The following PRORP variants were observed in gnomAD, a reference collection of about 807,000 sequenced individuals.
PRORP encodes the protein mitochondrial ribonuclease P catalytic subunit.
PRORP carries 51 observed loss-of-function variants against 59.4 expected under a neutral mutation model. The observed-to-expected ratio is 0.86, with a 90% CI of 0.69 to 1.08. PRORP has a LOEUF of 1.08. Ranked by LOEUF, PRORP falls within the 50% of genes least tolerant of loss-of-function variation. The probability of loss-of-function intolerance (pLI) is 0.00; values close to 1 mark genes in which losing one functional copy is unlikely to be tolerated. For missense variants in PRORP, 646 were observed against 690.3 expected (o/e 0.94, Z 0.72); for synonymous variants, 231 against 245.6 (o/e 0.94, Z 0.55).
At chr14:35,219,008 G>T (rs1352829988) in intron 5 of PRORP, 1 of 152,200 alleles carries the variant, frequency 6.6e-6, no homozygotes, top group African/African-American at 2.4e-5. Context: ...AAAATTGAAA[G>T]TCGATGGCTC....
chr14:35,250,244 G>GA (rs1189564914), intron 5 of PRORP, among the ~76,000 whole-genome samples: 4 of 149,064 alleles, frequency 2.7e-5, no homozygotes, highest in East Asian at 2.0e-4. Context: ...AAAAAAAAAA[G>GA]AAAAAAAAAG....
intron 5 of PRORP, among the ~76,000 whole-genome samples, chr14:35,232,397 A>C (rs1241034961): frequency 6.6e-6 from 1 of 152,036 alleles, no homozygotes; most frequent in Non-Finnish European, 1.5e-5. Flanking sequence ...ATTTTTGTAG[A>C]GATGGGGTCT....
chr14:35,198,263 A>G (rs983966932), intron 5 of PRORP, among the ~76,000 whole-genome samples: 2 of 152,234 alleles, frequency 1.3e-5, no homozygotes, highest in African/African-American at 4.8e-5. Context: ...TAATATTGAA[A>G]CCAAAGGGAT....
chr14:35,162,914 T>A (rs1193721146), intron 4 of PRORP, among the ~76,000 whole-genome samples: 1 of 152,172 alleles, frequency 6.6e-6, no homozygotes, highest in Admixed American at 6.5e-5. Flanking sequence ...TAAAGCGGGA[T>A]GTTACTTTTA....
At chr14:35,132,991 G>A (rs2047287022) in intron 4 of PRORP, among the ~76,000 whole-genome samples, 1 of 151,958 alleles carries the variant, frequency 6.6e-6, no homozygotes, top group Admixed American at 6.6e-5. Flanking sequence ...GCATGATCTT[G>A]GCTCACTGCA....
At chr14:35,223,667 G>A (rs1037070178) in intron 5 of PRORP, among the ~76,000 whole-genome samples, 1 of 151,942 alleles carries the variant, frequency 6.6e-6, no homozygotes, top group African/African-American at 2.4e-5. Context: ...CACTGTGTTA[G>A]CCAGGATGGT....
chr14:35,215,639 G>C (rs530285661), intron 5 of PRORP, among the ~76,000 whole-genome samples: 11 of 152,198 alleles, frequency 7.2e-5, no homozygotes, highest in African/African-American at 2.6e-4. Flanking sequence ...TATAGTCCTA[G>C]CTGTTTTGTT....
chr14:35,265,356 G>T (rs915396809), intron 5 of PRORP, among the ~76,000 whole-genome samples: 2 of 152,076 alleles, frequency 1.3e-5, no homozygotes. Context: ...AATTTTTTCA[G>T]CTTTTGTTTT....
chr14:35,239,746 A>G (rs1170769825), intron 5 of PRORP, among the ~76,000 whole-genome samples: 1 of 152,188 alleles, frequency 6.6e-6, no homozygotes, highest in East Asian at 1.9e-4. Flanking sequence ...ACTAAAGAAA[A>G]CCAAGGGTCT....
chr14:35,147,285 T>G (rs2138872062), intron 4 of PRORP, among the ~76,000 whole-genome samples: 1 of 152,328 alleles, frequency 6.6e-6, no homozygotes, highest in Middle Eastern at 3.4e-3. Context: ...TGCCTTGATG[T>G]TGGTGGCTGC....
At chr14:35,174,749 T>C (rs200462194) in intron 4 of PRORP, among the ~76,000 whole-genome samples, 1 of 90,376 alleles carries the variant, frequency 1.1e-5, no homozygotes, top group Non-Finnish European at 2.3e-5. Flanking sequence ...CTTTTTTTTT[T>C]CTTTTTTTTT....
At chr14:35,216,481 T>C (rs931628828) in intron 5 of PRORP, among the ~76,000 whole-genome samples, 2 of 151,990 alleles carry the variant, frequency 1.3e-5, no homozygotes, top group Non-Finnish European at 2.9e-5. Context: ...GCTAATTTTT[T>C]TATTTTTAGT....
At chr14:35,235,408 T>A in intron 5 of PRORP, 1 of 691,398 alleles carries the variant, frequency 1.4e-6, no homozygotes, top group Non-Finnish European at 2.7e-6. Context: ...GATGTCCCAG[T>A]CTTGCCTTCC....
intron 5 of PRORP, among the ~76,000 whole-genome samples, chr14:35,245,135 T>C (rs1030639242): frequency 7.2e-5 from 11 of 152,194 alleles, no homozygotes; most frequent in African/African-American, 2.7e-4. Context: ...GAAAATATGG[T>C]CAAACAGAAC....
chr14:35,161,008 T>C, intron 4 of PRORP, among the ~76,000 whole-genome samples: 1 of 152,224 alleles, frequency 6.6e-6, no homozygotes, highest in East Asian at 1.9e-4. Flanking sequence ...CATATTTTTC[T>C]TATACATGTG....
At chr14:35,128,932 C>T (rs1237703921) in intron 4 of PRORP, among the ~76,000 whole-genome samples, 4 of 151,854 alleles carry the variant, frequency 2.6e-5, no homozygotes, top group African/African-American at 7.3e-5. Context: ...CGCGATGGCT[C>T]ATGCCTGTAA....
At chr14:35,170,689 T>C (rs1452246082) in intron 4 of PRORP, among the ~76,000 whole-genome samples, 4 of 152,178 alleles carry the variant, frequency 2.6e-5, no homozygotes, top group African/African-American at 9.7e-5. Context: ...TTTAAAGAAA[T>C]TGAAAGAATA....
At position 35,275,816 on chromosome 14, in the gene PRORP, C is replaced by T. The variant is rs7158151; in HGVS notation, c.*2250C>T. On this transcript the variant is annotated 3_prime_UTR_variant, in exon 8 of 8. Transcript: ENST00000534898. Reference sequence around the variant, plus strand: ...GTCTCTTAAAAAAAAAAAAAAAAGACGGGAGAAGCTACAAGAAGAAAACTA... The same window carrying T: ...GTCTCTTAAAAAAAAAAAAAAAAGATGGGAGAAGCTACAAGAAGAAAACTA... The T allele has an allele frequency of 0.13, 18,935 of 145,136 alleles. 1,416 individuals carry two copies. Among genetic ancestry groups the T allele is most frequent in the Middle Eastern group, 0.24 (65 of 274 alleles). The allele number at this position is 145,136 out of a possible 1,614,324, so 9.0% of individuals were successfully genotyped here. A position where few individuals can be genotyped will look rare whatever the true frequency, so the allele number is the denominator to read the frequency against.
In PRORP at chr14:35,274,831, A is replaced by T. The variant is rs192859893; in HGVS notation, c.*1265A>T. The T allele has an allele frequency of 1.3e-5, 2 of 152,172 alleles. No homozygotes were observed. Among genetic ancestry groups the T allele is most frequent in the Non-Finnish European group, 2.9e-5 (2 of 68,036 alleles). The allele number at this position is 152,172 out of a possible 1,614,324, so 9.4% of individuals were successfully genotyped here. A position where few individuals can be genotyped will look rare whatever the true frequency, so the allele number is the denominator to read the frequency against. ...TTCTAAAATATGCCAATTTTTTTCC[A>T]CTTAATCAAGTTTGACTTAATTTAA... On this transcript the variant is annotated 3_prime_UTR_variant, in exon 8 of 8. Coordinates refer to ENST00000534898, the MANE Select transcript of PRORP (RefSeq NM_014672.4).
Sources: gnomAD v4.1 joint callset for allele counts (sites outside exome capture counted in the v4.1 genomes callset) on GRCh38, gnomAD v4.1.1 for gene constraint, MANE v1.5 for transcripts, NCBI Gene and HGNC (gene_info 2026-07-23, HGNC 2026-07-21) for gene names.